The following LRRIQ1 variants were observed in gnomAD, a reference collection of about 807,000 sequenced individuals.
The protein encoded by LRRIQ1 is leucine rich repeats and IQ motif containing 1, also known as leucine-rich repeat- and IQ domain-containing protein 1.
Under a neutral mutation model 211.9 loss-of-function variants are expected in LRRIQ1, and 210 were observed. The ratio of observed to expected loss-of-function variants is 0.99; its 90% CI spans 0.89 to 1.11. The LOEUF is 1.11. LRRIQ1 is among the 50% of genes most tolerant of loss of function. LRRIQ1 has a pLI of 0.00. For synonymous variants in LRRIQ1, 699 were observed against 650.1 expected, an observed-to-expected ratio of 1.08 and a Z score of -1.14; for missense variants, 2,136 against 1,939.5, an observed-to-expected ratio of 1.10 and a Z score of -1.90.
At chr12:85,170,908 C>A (rs1479054873) in intron 24 of LRRIQ1, among the ~76,000 whole-genome samples, 1 of 151,982 alleles carries the variant, frequency 6.6e-6, no homozygotes, top group African/African-American at 2.4e-5. Flanking sequence ...AGCCTCTTAC[C>A]TGAAACAAAA....
intron 14 of LRRIQ1, 82 bp from the exon 15 acceptor site, chr12:85,106,440 C>A: frequency 1.1e-6 from 1 of 934,074 alleles, no homozygotes; most frequent in Non-Finnish European, 1.7e-6. Context: ...AATAGCAAAC[C>A]AGTAAATACA....
intron 24 of LRRIQ1, among the ~76,000 whole-genome samples, chr12:85,184,458 T>C (rs1192175692): frequency 1.3e-5 from 2 of 152,074 alleles, no homozygotes; most frequent in African/African-American, 2.4e-5. Context: ...TACATATAGA[T>C]GTGTATGTGT....
intron 10 of LRRIQ1, among the ~76,000 whole-genome samples, chr12:85,068,048 C>T (rs774297997): frequency 7.9e-5 from 12 of 152,044 alleles, no homozygotes; most frequent in Non-Finnish European, 1.8e-4. Flanking sequence ...CACCTCCTGG[C>T]TTGATTTCTT....
At chr12:85,249,162 G>A (rs185337115), downstream of LRRIQ1, among the ~76,000 whole-genome samples, 40 of 151,736 alleles carry the variant, frequency 2.6e-4, no homozygotes, top group Admixed American at 5.3e-4. Context: ...ACTTCAAAAC[G>A]AAATAGATTG....
Position 85,055,771 on chromosome 12 carries a change from A to G in LRRIQ1, c.978A>G (p.Ala326=), listed in dbSNP as rs1880952498. The change falls in exon 8 of 27, where the codon GCA becomes GCG. Residue 326 remains alanine, a synonymous_variant. Coordinates refer to ENST00000393217, the MANE Select transcript of LRRIQ1 (RefSeq NM_001079910.2). The stretch of plus-strand genomic sequence containing the variant: ...CACAAGAGTGGAAGGAAAAGGAAGC[A>G]AAAATACGACAAAAGGAGGAAGAAA... ...RKAQEWKEKE[A]KIRQKEEENR... is the part of the protein sequence containing the mutation. The G allele has an allele frequency of 1.2e-6, 2 of 1,608,058 alleles. No individual in the cohort carries two copies. Among genetic ancestry groups the G allele is most frequent in the South Asian group, 1.1e-5 (1 of 90,592 alleles).
exon 2 of LRRIQ1, chr12:85,263,433 A>G (rs550237333): frequency 6.6e-6 from 1 of 152,088 alleles, no homozygotes; most frequent in Non-Finnish European, 1.5e-5. Flanking sequence ...ATGCTGTTTA[A>G]TGTAGCAATA....
intron 24 of LRRIQ1, among the ~76,000 whole-genome samples, chr12:85,205,615 C>T (rs750675163): frequency 7.2e-5 from 11 of 152,020 alleles, no homozygotes; most frequent in Non-Finnish European, 1.2e-4. Flanking sequence ...CAAGGGTTCC[C>T]TGAATTTTCT....
intron 24 of LRRIQ1, among the ~76,000 whole-genome samples, chr12:85,185,837 C>G (rs1236035062): frequency 6.6e-6 from 1 of 151,824 alleles, no homozygotes; most frequent in Non-Finnish European, 1.5e-5. Context: ...CATATTACTA[C>G]TATTTATAAA....
intron 24 of LRRIQ1, among the ~76,000 whole-genome samples, chr12:85,186,000 A>G (rs184276828): frequency 6.6e-6 from 1 of 152,182 alleles, no homozygotes; most frequent in Admixed American, 6.5e-5. Flanking sequence ...CTTTATACTT[A>G]ATATTATGAA....
chr12:85,191,288 T>C (rs980219859), intron 24 of LRRIQ1, among the ~76,000 whole-genome samples: 4 of 151,976 alleles, frequency 2.6e-5, no homozygotes, highest in Non-Finnish European at 2.9e-5. Context: ...AAATAGTTTC[T>C]CTGTCATAAA....
chr12:85,212,146 G>A (rs1362639236), intron 24 of LRRIQ1, among the ~76,000 whole-genome samples: 2 of 151,918 alleles, frequency 1.3e-5, no homozygotes, highest in East Asian at 1.9e-4. Flanking sequence ...GTAGCCAGGT[G>A]TGGTGGCATG....
chr12:85,245,002 A>G lies in LRRIQ1; in HGVS notation c.*61A>G. 4 of 1,580,704 alleles carry G rather than the reference A, an allele frequency of 2.5e-6. No individual in the cohort carries two copies. The highest frequency in any genetic ancestry group is 1.7e-4 in the Middle Eastern group (1 of 5,890). ...AAGCATTCTTTTTCAGATAGGGGGT[A>G]GGATGCCAGCAACCTGAACTGCCCA... On this transcript the variant is annotated 3_prime_UTR_variant, in exon 27 of 27. Coordinates refer to ENST00000393217, the MANE Select transcript of LRRIQ1 (RefSeq NM_001079910.2).
intron 26 of LRRIQ1, among the ~76,000 whole-genome samples, chr12:85,239,903 G>C (rs1197385873): frequency 6.6e-6 from 1 of 151,916 alleles, no homozygotes; most frequent in African/African-American, 2.4e-5. Context: ...CCTTGAACCG[G>C]GGAGGCAGAC....
intron 18 of LRRIQ1, among the ~76,000 whole-genome samples, chr12:85,137,065 T>C (rs1388649132): frequency 6.6e-6 from 1 of 151,472 alleles, no homozygotes; most frequent in Non-Finnish European, 1.5e-5. Flanking sequence ...TTAAAATTAA[T>C]TTTATAATTC....
At chr12:85,167,346 C>T (rs1031345275) in intron 24 of LRRIQ1, among the ~76,000 whole-genome samples, 2 of 152,038 alleles carry the variant, frequency 1.3e-5, no homozygotes, top group Admixed American at 1.3e-4. Context: ...AGTGAAGCCC[C>T]ACAATAGGCC....
At chr12:85,103,314 G>A (rs375886893) in intron 13 of LRRIQ1, among the ~76,000 whole-genome samples, 2 of 151,312 alleles carry the variant, frequency 1.3e-5, no homozygotes, top group East Asian at 3.9e-4. Flanking sequence ...TTAAATATCA[G>A]TGTGTTTTGG....
At chr12:85,254,201 T>C (rs1180950171) in intron 1 of LRRIQ1, among the ~76,000 whole-genome samples, 1 of 152,074 alleles carries the variant, frequency 6.6e-6, no homozygotes, top group Non-Finnish European at 1.5e-5. Context: ...GCTCAGCAGA[T>C]GCCATCATGC....
At chr12:85,067,146 C>T (rs949783323) in intron 10 of LRRIQ1, among the ~76,000 whole-genome samples, 5 of 151,910 alleles carry the variant, frequency 3.3e-5, no homozygotes, top group Non-Finnish European at 7.4e-5. Context: ...TTTCCTACAA[C>T]CAATAGTAAT....
At chr12:85,177,268 T>G (rs1891753381) in intron 24 of LRRIQ1, among the ~76,000 whole-genome samples, 1 of 152,098 alleles carries the variant, frequency 6.6e-6, no homozygotes, top group Non-Finnish European at 1.5e-5. Flanking sequence ...GAGGGTACAG[T>G]GATCAATGAC....
Sources: gnomAD v4.1 joint callset for allele counts (sites outside exome capture counted in the v4.1 genomes callset) on GRCh38, gnomAD v4.1.1 for gene constraint, MANE v1.5 for transcripts, NCBI Gene and HGNC (gene_info 2026-07-23, HGNC 2026-07-21) for gene names.